The following GHR variants were observed in gnomAD, a reference collection of about 807,000 sequenced individuals.
GHR encodes GH receptor.
A neutral mutation model predicts 67.1 loss-of-function variants in GHR; 35 were observed. That is an observed-to-expected ratio of 0.52 (90% CI 0.40 to 0.69). GHR has a LOEUF of 0.69. Among genes scored for constraint, GHR ranks in the 30% least tolerant of loss-of-function variants. The probability of loss-of-function intolerance (pLI) is 0.00; values close to 1 mark genes in which losing one functional copy is unlikely to be tolerated. For missense variants in GHR, 792 were observed against 764.6 expected (o/e 1.04, Z -0.42); for synonymous variants, 272 against 269.1 (o/e 1.01, Z -0.10).
chr5:42,666,276 T>A (rs1036704665), intron 3 of GHR, among the ~76,000 whole-genome samples: 1 of 152,182 alleles, frequency 6.6e-6, no homozygotes, highest in African/African-American at 2.4e-5. Flanking sequence ...AGGGTGAAAT[T>A]AATTTTAACA....
chr5:42,478,258 C>G (rs1745436264), intron 1 of GHR, among the ~76,000 whole-genome samples: 1 of 152,178 alleles, frequency 6.6e-6, no homozygotes, highest in East Asian at 1.9e-4. Context: ...TGTTTTGGTA[C>G]CAGTACCATG....
intron 4 of GHR, among the ~76,000 whole-genome samples, chr5:42,692,226 A>T (rs1481444890): frequency 6.6e-6 from 1 of 152,008 alleles, no homozygotes; most frequent in East Asian, 1.9e-4. Flanking sequence ...AACATAAATG[A>T]TGTTTTATTT....
At chr5:42,483,353 C>T (rs942937947) in intron 1 of GHR, among the ~76,000 whole-genome samples, 33 of 152,204 alleles carry the variant, frequency 2.2e-4, no homozygotes, top group African/African-American at 7.9e-4. Context: ...TGGCTGGGCA[C>T]TTACTGTCTT....
chr5:42,474,313 G>GAAAGAAAGAAAGAA (rs1745177925), intron 1 of GHR, among the ~76,000 whole-genome samples: 3 of 138,354 alleles, frequency 2.2e-5, no homozygotes, highest in Admixed American at 7.2e-5. Context: ...AAGAAAGAAA[G>GAAAGAAAGAAAGAA]AAAGAAAGAA....
intron 2 of GHR, among the ~76,000 whole-genome samples, chr5:42,576,830 A>C (rs1750774136): frequency 6.6e-6 from 1 of 152,246 alleles, no homozygotes; most frequent in Non-Finnish European, 1.5e-5. Flanking sequence ...TGATTAATAC[A>C]GCAAGTAGGT....
Position 42,574,713 on chromosome 5 carries a change from C to T in GHR, c.70+8769C>T, listed in dbSNP as rs1750550165. Among the ~76,000 whole-genome samples, 4 of 152,064 alleles carry T rather than the reference C, an allele frequency of 2.6e-5. No individual in the cohort carries two copies. The South Asian group carries it at 8.3e-4, about 31-fold the overall frequency. ...GAAAAAAATGGAAGAATATTAATAA[C>T]CAAAATAGAAGAATATTAAGAACTT... On this transcript the variant is annotated intron_variant, in intron 2 of 9. Transcript: ENST00000230882.
At chr5:42,478,294 G>A (rs1208067313) in intron 1 of GHR, among the ~76,000 whole-genome samples, 4 of 152,198 alleles carry the variant, frequency 2.6e-5, no homozygotes, top group African/African-American at 9.7e-5. Context: ...TAGCCTAGTA[G>A]TATAGTTTGA....
chr5:42,473,056 A>T (rs1196452761), intron 1 of GHR, among the ~76,000 whole-genome samples: 1 of 152,236 alleles, frequency 6.6e-6, no homozygotes, highest in African/African-American at 2.4e-5. Context: ...AGAGGTATGA[A>T]TAACCTAAAG....
At chr5:42,567,804 T>C (rs1441880375) in intron 2 of GHR, among the ~76,000 whole-genome samples, 2 of 150,846 alleles carry the variant, frequency 1.3e-5, no homozygotes. Context: ...TGTGTGTGTG[T>C]GTGTGTGTGT....
At chr5:42,617,385 T>TACACACACACAC (rs10581858) in intron 2 of GHR, among the ~76,000 whole-genome samples, 2 of 149,158 alleles carry the variant, frequency 1.3e-5, no homozygotes, top group African/African-American at 5.0e-5. Context: ...AAGTTCATTT[T>TACACACACACAC]ACACACACAC....
chr5:42,531,439 T>C (rs1302932805), intron 1 of GHR, among the ~76,000 whole-genome samples: 2 of 152,010 alleles, frequency 1.3e-5, no homozygotes, highest in Non-Finnish European at 2.9e-5. Flanking sequence ...AATGGGGCTT[T>C]CTGGCAGGTT....
intron 1 of GHR, among the ~76,000 whole-genome samples, chr5:42,474,303 A>AAG (rs1745171640): frequency 7.4e-6 from 1 of 135,680 alleles, no homozygotes; most frequent in Admixed American, 7.3e-5. Flanking sequence ...AAGAGAAAGA[A>AAG]AGAAAGAAAG....
At chr5:42,586,176 T>TTCC (rs934943966) in intron 2 of GHR, among the ~76,000 whole-genome samples, 6 of 151,800 alleles carry the variant, frequency 4.0e-5, no homozygotes, top group African/African-American at 1.2e-4. Context: ...ATGTTTTCCT[T>TTCC]TCCTCCTCCT....
At chr5:42,494,900 T>G (rs1054007343) in intron 1 of GHR, among the ~76,000 whole-genome samples, 10 of 152,062 alleles carry the variant, frequency 6.6e-5, no homozygotes, top group African/African-American at 2.4e-4. Context: ...GAGCCAAATA[T>G]GTAGGTAGTT....
intron 1 of GHR, among the ~76,000 whole-genome samples, chr5:42,523,506 T>C (rs1314347785): frequency 1.3e-5 from 2 of 152,192 alleles, no homozygotes; most frequent in Non-Finnish European, 2.9e-5. Context: ...GAGTGACGTT[T>C]GATGCTATTA....
In GHR at chr5:42,719,898, CTA is replaced by C. The variant is rs1286879802; in HGVS notation, c.*477_*478del. 5.5e-6 allele frequency: 1 copy of C among 182,800 alleles called. No homozygotes were observed. Among genetic ancestry groups the C allele is most frequent in the Non-Finnish European group, 1.1e-5 (1 of 87,232 alleles). The allele number at this position is 182,800 out of a possible 1,614,324, so 11.3% of individuals were successfully genotyped here. ...AAAAACTAGAGGTGAGAAATTTAAACTATAAGCAAGAAGGCAAAAATAGTTTG... is the reference window on the plus strand; with the variant it reads ...AAAAACTAGAGGTGAGAAATTTAAACTAAGCAAGAAGGCAAAAATAGTTTG... On this transcript the variant is annotated 3_prime_UTR_variant, in exon 10 of 10. Coordinates refer to ENST00000230882, the MANE Select transcript of GHR (RefSeq NM_000163.5).
chr5:42,664,520 C>G (rs1348741801), intron 3 of GHR, among the ~76,000 whole-genome samples: 1 of 152,112 alleles, frequency 6.6e-6, no homozygotes, highest in Non-Finnish European at 1.5e-5. Context: ...ATAAATGGTG[C>G]TGGGAAAACT....
intron 3 of GHR, among the ~76,000 whole-genome samples, chr5:42,671,674 C>T (rs903770441): frequency 4.0e-5 from 6 of 149,362 alleles, no homozygotes; most frequent in African/African-American, 1.2e-4. Context: ...AGAAACTAGG[C>T]GGCCGGGCGC....
intron 1 of GHR, among the ~76,000 whole-genome samples, chr5:42,495,735 C>T (rs1746296152): frequency 6.6e-6 from 1 of 152,130 alleles, no homozygotes; most frequent in Non-Finnish European, 1.5e-5. Flanking sequence ...AAAGGAAGAA[C>T]TGCATAGTTT....
Sources: gnomAD v4.1 joint callset for allele counts (sites outside exome capture counted in the v4.1 genomes callset) on GRCh38, gnomAD v4.1.1 for gene constraint, MANE v1.5 for transcripts, NCBI Gene and HGNC (gene_info 2026-07-23, HGNC 2026-07-21) for gene names.